The following MAD1L1 variants were observed in gnomAD, a reference collection of about 807,000 sequenced individuals.
The protein encoded by MAD1L1 is mitotic spindle assembly checkpoint protein MAD1.
A neutral mutation model predicts 96.9 loss-of-function variants in MAD1L1; 95 were observed. That is an observed-to-expected ratio of 0.98 (90% CI 0.83 to 1.16). MAD1L1 has a LOEUF of 1.16. Ranked by LOEUF, MAD1L1 falls within the 50% of genes most tolerant of loss-of-function variation. The probability of loss-of-function intolerance (pLI) is 0.00; values close to 1 mark genes in which losing one functional copy is unlikely to be tolerated. For missense variants in MAD1L1, 1,007 were observed against 954.4 expected, an observed-to-expected ratio of 1.06 and a Z score of -0.73; for synonymous variants, 473 against 396.6, an observed-to-expected ratio of 1.19 and a Z score of -2.29.
At chr7:1,906,638 T>C (rs1348513537) in intron 17 of MAD1L1, among the ~76,000 whole-genome samples, 1 of 152,232 alleles carries the variant, frequency 6.6e-6, no homozygotes, top group Non-Finnish European at 1.5e-5. Flanking sequence ...CTGGGCCTCA[T>C]GCTGTTTCCC....
intron 11 of MAD1L1, among the ~76,000 whole-genome samples, chr7:2,110,594 T>C (rs999169583): frequency 6.6e-6 from 1 of 152,202 alleles, no homozygotes; most frequent in African/African-American, 2.4e-5. Flanking sequence ...GATGAAGGCC[T>C]CCTTCCCATC....
intron 9 of MAD1L1, among the ~76,000 whole-genome samples, chr7:2,213,827 C>T (rs955286445): frequency 2.0e-5 from 3 of 152,232 alleles, no homozygotes; most frequent in Non-Finnish European, 4.4e-5. Flanking sequence ...CTCTGTGTCA[C>T]ATGCCTGTCC....
intron 14 of MAD1L1, among the ~76,000 whole-genome samples, chr7:1,988,368 C>T (rs528070977): frequency 6.6e-6 from 1 of 152,324 alleles, no homozygotes; most frequent in African/African-American, 2.4e-5. Flanking sequence ...CCATCCCCAC[C>T]ACAGGGACCT....
intron 14 of MAD1L1, among the ~76,000 whole-genome samples, chr7:1,986,417 C>G (rs1479092789): frequency 6.6e-6 from 1 of 152,024 alleles, no homozygotes; most frequent in Non-Finnish European, 1.5e-5. Flanking sequence ...CGCCGGCCCC[C>G]GCACTGCGGA....
chr7:2,224,831 G>A (rs991478599), intron 4 of MAD1L1, among the ~76,000 whole-genome samples: 1 of 152,130 alleles, frequency 6.6e-6, no homozygotes, highest in African/African-American at 2.4e-5. Flanking sequence ...TGGGGAGCCA[G>A]GAGCAACACA....
At chr7:1,916,859 C>T (rs763401555) in intron 17 of MAD1L1, among the ~76,000 whole-genome samples, 3 of 152,068 alleles carry the variant, frequency 2.0e-5, no homozygotes, top group East Asian at 1.9e-4. Flanking sequence ...ACGACCCTGG[C>T]GCATCTCCCG....
intron 17 of MAD1L1, among the ~76,000 whole-genome samples, chr7:1,915,236 CA>C (rs1788301270): frequency 6.6e-6 from 1 of 152,150 alleles, no homozygotes; most frequent in South Asian, 2.1e-4. Flanking sequence ...ACTAGGGAAA[CA>C]GATAAAAAAT....
chr7:2,063,868 T>G (rs1286542071), intron 12 of MAD1L1, among the ~76,000 whole-genome samples: 4 of 152,204 alleles, frequency 2.6e-5, no homozygotes, highest in African/African-American at 9.6e-5. Flanking sequence ...TCCCTCGCTC[T>G]GCCCTCAGCA....
At chr7:2,025,847 A>T (rs1262071512) in intron 12 of MAD1L1, among the ~76,000 whole-genome samples, 1 of 152,238 alleles carries the variant, frequency 6.6e-6, no homozygotes, top group Non-Finnish European at 1.5e-5. Flanking sequence ...AATCACCAAC[A>T]TAGCCACTAA....
intron 11 of MAD1L1, among the ~76,000 whole-genome samples, chr7:2,124,310 C>T (rs895237519): frequency 3.3e-5 from 5 of 152,230 alleles, no homozygotes; most frequent in African/African-American, 1.2e-4. Context: ...GACCCTCGCC[C>T]AGGAGCAAAA....
At chr7:2,047,853 ACACGTGCACT>A (rs1783994949) in intron 12 of MAD1L1, among the ~76,000 whole-genome samples, 1 of 152,200 alleles carries the variant, frequency 6.6e-6, no homozygotes, top group African/African-American at 2.4e-5. Context: ...GCACAATCAC[ACACGTGCACT>A]CACGTGCACA....
chr7:1,854,505 G>T, intron 18 of MAD1L1: 2 of 393,136 alleles, frequency 5.1e-6, no homozygotes, highest in Non-Finnish European at 1.0e-5. Context: ...CTTTCTCACT[G>T]TCTGTCACAC....
intron 18 of MAD1L1, among the ~76,000 whole-genome samples, chr7:1,840,826 C>T (rs1783212336): frequency 6.6e-6 from 1 of 152,256 alleles, no homozygotes; most frequent in African/African-American, 2.4e-5. Flanking sequence ...CCTACTTGGA[C>T]CTGAGCAGCC....
intron 17 of MAD1L1, among the ~76,000 whole-genome samples, chr7:1,907,520 G>T (rs1787737520): frequency 6.6e-6 from 1 of 152,256 alleles, no homozygotes; most frequent in South Asian, 2.1e-4. Flanking sequence ...AAGCCAGGAG[G>T]ACAATCCTAC....
intron 14 of MAD1L1, among the ~76,000 whole-genome samples, chr7:1,987,573 G>C (rs537096312): frequency 9.0e-4 from 137 of 152,286 alleles, no homozygotes; most frequent in Non-Finnish European, 1.3e-3. Context: ...ATCGGGGAGG[G>C]GGGGAGAGGC....
chr7:1,974,397 A>G (rs1477516157), intron 15 of MAD1L1, among the ~76,000 whole-genome samples: 1 of 152,218 alleles, frequency 6.6e-6, no homozygotes, highest in Non-Finnish European at 1.5e-5. Flanking sequence ...AGCAACAGAG[A>G]ACAGGGTTCA....
intron 18 of MAD1L1, among the ~76,000 whole-genome samples, chr7:1,888,381 T>TATACGTGTGTGTGC (rs879308722): frequency 0.15 from 21,678 of 147,434 alleles, 1,996 homozygotes; most frequent in South Asian, 0.27. Context: ...TGTGGCTGCC[T>TATACGTGTGTGTGC]ATGCGTGTGT....
At chr7:2,070,655 T>C (rs1277312117) in intron 11 of MAD1L1, among the ~76,000 whole-genome samples, 1 of 152,208 alleles carries the variant, frequency 6.6e-6, no homozygotes, top group Admixed American at 6.5e-5. Flanking sequence ...TACCACAAAC[T>C]TCTTTCCAAA....
chr7:1,936,060 A>T (rs1778580328), intron 17 of MAD1L1, among the ~76,000 whole-genome samples: 1 of 152,226 alleles, frequency 6.6e-6, no homozygotes, highest in Non-Finnish European at 1.5e-5. Context: ...CAGACTGCAC[A>T]GTGACTCTGG....
Sources: allele counts gnomAD v4.1 joint callset (sites outside exome capture counted in the v4.1 genomes callset), GRCh38; gene constraint gnomAD v4.1.1; transcripts MANE v1.5; gene names NCBI Gene and HGNC (gene_info 2026-07-23, HGNC 2026-07-21).